Variants in NEGR1 observed in about 807,000 individuals in gnomAD.
The protein encoded by NEGR1 is neuronal growth regulator 1, also known as IgLON family member 4.
In NEGR1, 10 loss-of-function variants were observed where a neutral mutation model predicts 40.9. The ratio of observed to expected loss-of-function variants is 0.24; its 90% confidence interval spans 0.15 to 0.42. The LOEUF (loss-of-function observed/expected upper bound fraction) is 0.42, where lower values mean the gene tolerates loss of function less well. Among genes scored for constraint, NEGR1 ranks in the 10% least tolerant of loss-of-function variants. The probability of loss-of-function intolerance (pLI) is 1.00; values close to 1 mark genes in which losing one functional copy is unlikely to be tolerated. For synonymous variants in NEGR1, 185 were observed against 166.8 expected, an observed-to-expected ratio of 1.11 and a Z score of -0.84; for missense variants, 352 against 438.9, an observed-to-expected ratio of 0.80 and a Z score of 1.77.
At chr1:71,747,716 C>T (rs185213802) in intron 3 of NEGR1, among the ~76,000 whole-genome samples, 7 of 152,206 alleles carry the variant, frequency 4.6e-5, no homozygotes, top group Non-Finnish European at 8.8e-5. Context: ...TGAGCCACTG[C>T]GCCCAGTCCG....
At chr1:71,560,615 C>A (rs989616439) in intron 6 of NEGR1, among the ~76,000 whole-genome samples, 4 of 151,008 alleles carry the variant, frequency 2.6e-5, no homozygotes, top group Non-Finnish European at 4.4e-5. Context: ...CCAATAGAAT[C>A]ATACTGGGTT....
intron 2 of NEGR1, among the ~76,000 whole-genome samples, chr1:71,793,513 A>G (rs1277899975): frequency 6.6e-6 from 1 of 151,644 alleles, no homozygotes; most frequent in African/African-American, 2.4e-5. Flanking sequence ...AGCCTACTCA[A>G]GAGAAGATTC....
intron 6 of NEGR1, among the ~76,000 whole-genome samples, chr1:71,563,926 G>A (rs559355456): frequency 2.4e-4 from 36 of 150,852 alleles, no homozygotes; most frequent in African/African-American, 8.8e-4. Flanking sequence ...GGTGACAGAC[G>A]ACTGGAACAG....
At chr1:72,080,649 ACCTG>A (rs1197319767) in intron 1 of NEGR1, among the ~76,000 whole-genome samples, 1 of 152,094 alleles carries the variant, frequency 6.6e-6, no homozygotes, top group Non-Finnish European at 1.5e-5. Context: ...AGTATTATAC[ACCTG>A]GAGTTGTATT....
chr1:71,415,270 T>A (rs1197031741), intron 6 of NEGR1, among the ~76,000 whole-genome samples: 1 of 152,098 alleles, frequency 6.6e-6, no homozygotes, highest in African/African-American at 2.4e-5. Context: ...ATGAGGTGAA[T>A]GGGTAGAGAA....
At chr1:72,219,580 T>G (rs1418128699) in intron 1 of NEGR1, among the ~76,000 whole-genome samples, 1 of 152,094 alleles carries the variant, frequency 6.6e-6, no homozygotes, top group African/African-American at 2.4e-5. Flanking sequence ...CATATTAAAA[T>G]TTTAGAAAGT....
chr1:72,212,956 G>A (rs1396769591), intron 1 of NEGR1, among the ~76,000 whole-genome samples: 2 of 151,870 alleles, frequency 1.3e-5, no homozygotes, highest in African/African-American at 4.8e-5. Context: ...AGAAGACTAT[G>A]TAAGCAAGAC....
At position 72,001,082 on chromosome 1, in the gene NEGR1, G is replaced by A. The variant is rs577847633; in HGVS notation, c.177-65771C>T. On this transcript the variant is annotated intron_variant, in intron 1 of 6. Coordinates refer to ENST00000357731, the MANE Select transcript of NEGR1 (RefSeq NM_173808.3). ...CAATATGGAGTAACTCAAGCTAAGG[G>A]CCTGCATGTGCACTAGGAGGACAGG... Among the ~76,000 whole-genome samples, 17 of 152,200 alleles carry A rather than the reference G, an allele frequency of 1.1e-4. No individual in the cohort carries two copies. In the South Asian group the frequency reaches 3.3e-3, roughly 30 times the overall value.
intron 1 of NEGR1, among the ~76,000 whole-genome samples, chr1:71,957,375 C>G (rs942869890): frequency 6.6e-6 from 1 of 152,040 alleles, no homozygotes; most frequent in Non-Finnish European, 1.5e-5. Flanking sequence ...GTTTTATGAA[C>G]ACTAAAAGTT....
chr1:71,609,513 T>TTA, intron 5 of NEGR1, among the ~76,000 whole-genome samples: 1 of 4,196 alleles, frequency 2.4e-4, no homozygotes, highest in Non-Finnish European at 7.1e-4. Flanking sequence ...AGACTCCGTC[T>TTA]CAAAAAAAAA....
rs116118054 is a variant in NEGR1 at position 71,855,178 on chromosome 1, C to T, written c.410-78881G>A. Among the ~76,000 whole-genome samples, 802 of 152,176 alleles carry T rather than the reference C, an allele frequency of 5.3e-3. 9 individuals are homozygous for T. The highest frequency in any genetic ancestry group is 0.019 in the African/African-American group (779 of 41,542). On this transcript the variant is annotated intron_variant, in intron 2 of 6. Transcript: ENST00000357731. ...CCAAAGTCCTTCTAGAAAAATCTAA[C>T]TCTGTTGTATATTTCCCCATAAGCA...
chr1:72,084,925 T>C (rs1230464494), intron 1 of NEGR1, among the ~76,000 whole-genome samples: 1 of 152,206 alleles, frequency 6.6e-6, no homozygotes, highest in Non-Finnish European at 1.5e-5. Flanking sequence ...AAAGTGAGTA[T>C]TAAATTAAAT....
intron 2 of NEGR1, among the ~76,000 whole-genome samples, chr1:71,809,401 C>T (rs998767527): frequency 1.3e-5 from 2 of 152,168 alleles, no homozygotes; most frequent in African/African-American, 4.8e-5. Flanking sequence ...GGTGAAGCAA[C>T]AGTAAGCTAA....
intron 2 of NEGR1, among the ~76,000 whole-genome samples, chr1:71,836,493 T>C (rs145832990): frequency 6.6e-4 from 99 of 149,574 alleles, no homozygotes; most frequent in African/African-American, 2.3e-3. Flanking sequence ...TATATATATA[T>C]ATATATGAAG....
intron 2 of NEGR1, among the ~76,000 whole-genome samples, chr1:71,816,302 C>T (rs906412591): frequency 3.3e-5 from 5 of 152,046 alleles, no homozygotes; most frequent in Non-Finnish European, 5.9e-5. Flanking sequence ...ACCACACATG[C>T]ACTTTTACCA....
At chr1:71,680,169 T>A (rs1326237330) in intron 4 of NEGR1, among the ~76,000 whole-genome samples, 3 of 152,044 alleles carry the variant, frequency 2.0e-5, no homozygotes, top group African/African-American at 7.2e-5. Flanking sequence ...TTTTTAAAAA[T>A]TTTTCTTGAA....
chr1:71,880,578 A>G (rs1292988790), intron 2 of NEGR1, among the ~76,000 whole-genome samples: 2 of 152,104 alleles, frequency 1.3e-5, no homozygotes, highest in East Asian at 3.9e-4. Flanking sequence ...TTTGAAATGA[A>G]CTCCAAACAC....
At chr1:72,058,225 G>T (rs942975934) in intron 1 of NEGR1, among the ~76,000 whole-genome samples, 1 of 151,442 alleles carries the variant, frequency 6.6e-6, no homozygotes, top group African/African-American at 2.4e-5. Flanking sequence ...AAGTTGGAAA[G>T]AAATGAAATA....
At chr1:71,429,041 A>G (rs773377776) in intron 6 of NEGR1, among the ~76,000 whole-genome samples, 2 of 152,202 alleles carry the variant, frequency 1.3e-5, no homozygotes, top group African/African-American at 2.4e-5. Context: ...GTATGAAGTT[A>G]GAAGAAACCC....
Sources: gnomAD v4.1 joint callset for allele counts (sites outside exome capture counted in the v4.1 genomes callset) on GRCh38, gnomAD v4.1.1 for gene constraint, MANE v1.5 for transcripts, NCBI Gene and HGNC (gene_info 2026-07-23, HGNC 2026-07-21) for gene names.